The following UBE2D3 variants were observed in gnomAD, a reference collection of about 807,000 sequenced individuals.
UBE2D3 encodes the protein ubiquitin conjugating enzyme E2 D3, also known as ubiquitin-conjugating enzyme E2 D3.
Under a neutral mutation model 22.8 loss-of-function variants are expected in UBE2D3, and 2 were observed. That is an observed-to-expected ratio of 0.09 (90% CI 0.04 to 0.28). The LOEUF (loss-of-function observed/expected upper bound fraction) is 0.28, where lower values mean the gene tolerates loss of function less well. UBE2D3 is among the 10% of genes least tolerant of loss of function. The probability of loss-of-function intolerance (pLI) is 1.00; values close to 1 mark genes in which losing one functional copy is unlikely to be tolerated. For missense variants in UBE2D3, 27 were observed against 182.5 expected, an observed-to-expected ratio of 0.15 and a Z score of 4.91; for synonymous variants, 56 against 60.4, an observed-to-expected ratio of 0.93 and a Z score of 0.34.
chr4:102,855,930 G>A (rs1732597561), intron 1 of UBE2D3, among the ~76,000 whole-genome samples: 1 of 152,186 alleles, frequency 6.6e-6, no homozygotes, highest in Non-Finnish European at 1.5e-5. Flanking sequence ...ACTGATGAAA[G>A]GGTTGCCATT....
At chr4:102,861,272 T>C (rs563269503) in intron 1 of UBE2D3, among the ~76,000 whole-genome samples, 2 of 151,916 alleles carry the variant, frequency 1.3e-5, no homozygotes, top group Admixed American at 6.6e-5. Flanking sequence ...TTTTTCATTC[T>C]ACTGGGGTGC....
In UBE2D3 at chr4:102,809,862, C is replaced by T; in HGVS notation, c.25-7G>A. 6.2e-7 allele frequency: 1 copy of T among 1,612,774 alleles called. No homozygotes were observed. The highest frequency in any genetic ancestry group is 8.5e-7 in the Non-Finnish European group (1 of 1,179,876). On this transcript the variant is annotated splice_region_variant and splice_polypyrimidine_tract_variant and intron_variant, in intron 2 of 7. Transcript: ENST00000453744. Reference sequence around the variant, plus strand: ...GGGCCAAATCACTAAGTTCCTACACCAAGACAGAAAATGGGTGAGTCACAT... The same window carrying T: ...GGGCCAAATCACTAAGTTCCTACACTAAGACAGAAAATGGGTGAGTCACAT...
chr4:102,848,874 T>C (rs17839001), intron 1 of UBE2D3, among the ~76,000 whole-genome samples: 1,785 of 151,952 alleles, frequency 0.012, 21 homozygotes, highest in African/African-American at 0.036. Flanking sequence ...CTGTAGTCTC[T>C]TTCCTTATAG....
chr4:102,801,417 G>A (rs1198210716), intron 6 of UBE2D3, 37 bp downstream of exon 6: 1 of 1,536,320 alleles, frequency 6.5e-7, no homozygotes, highest in East Asian at 2.3e-5. Context: ...AGCTTTATTA[G>A]ACAATGAGAA....
intron 1 of UBE2D3, among the ~76,000 whole-genome samples, chr4:102,834,762 G>A (rs1731299232): frequency 6.6e-6 from 1 of 150,462 alleles, no homozygotes; most frequent in African/African-American, 2.4e-5. Flanking sequence ...AAAAAAAAAA[G>A]ATTCAACTTT....
chr4:102,839,273 TCTTA>T (rs1158731706), intron 1 of UBE2D3, among the ~76,000 whole-genome samples: 1 of 152,130 alleles, frequency 6.6e-6, no homozygotes, highest in Admixed American at 6.5e-5. Flanking sequence ...TCTTCTTCTT[TCTTA>T]CTTTTTTGAG....
chr4:102,810,236 T>A, intron 2 of UBE2D3: 1 of 166,546 alleles, frequency 6.0e-6, no homozygotes, highest in Admixed American at 6.1e-5. Flanking sequence ...CTGTCTTAAA[T>A]TCTTTGTTCT....
In UBE2D3 at chr4:102,811,376, A is replaced by C. The variant is rs1019672387; in HGVS notation, c.25-1521T>G. On this transcript the variant is annotated intron_variant, in intron 2 of 7. Transcript: ENST00000453744. ...AAACACAAAATCCTGTCTCAGAAACAAAAAAACAAGACCAAAAAAGCTAGA... is the reference window on the plus strand; with the variant it reads ...AAACACAAAATCCTGTCTCAGAAACCAAAAAACAAGACCAAAAAAGCTAGA... 3 of 153,750 alleles carry C rather than the reference A, an allele frequency of 2.0e-5. 1 individual carries two copies. The highest frequency in any genetic ancestry group is 1.3e-4 in the Admixed American group (2 of 15,278). The allele number at this position is 153,750 out of a possible 1,614,324, so 9.5% of individuals were successfully genotyped here.
At chr4:102,848,732 T>C (rs924710487) in intron 1 of UBE2D3, among the ~76,000 whole-genome samples, 1 of 152,038 alleles carries the variant, frequency 6.6e-6, no homozygotes, top group African/African-American at 2.4e-5. Flanking sequence ...GGCAGGAGGA[T>C]TGTTTGAGCC....
chr4:102,823,442 G>A (rs1243991932), intron 2 of UBE2D3, among the ~76,000 whole-genome samples: 4 of 152,178 alleles, frequency 2.6e-5, no homozygotes, highest in Non-Finnish European at 5.9e-5. Context: ...TTCCCTGCTA[G>A]CCGCTTGCTT....
intron 1 of UBE2D3, among the ~76,000 whole-genome samples, chr4:102,866,911 A>G (rs1195998060): frequency 6.6e-6 from 1 of 152,312 alleles, no homozygotes; most frequent in East Asian, 1.9e-4. Context: ...ATTAAAGATA[A>G]CAGTTAACAG....
chr4:102,826,110 C>T (rs890600073), intron 2 of UBE2D3, among the ~76,000 whole-genome samples: 1 of 152,112 alleles, frequency 6.6e-6, no homozygotes, highest in African/African-American at 2.4e-5. Context: ...ACTAAGTTTT[C>T]AAGCACCAAG....
chr4:102,847,076 G>A (rs1732074184), intron 1 of UBE2D3, among the ~76,000 whole-genome samples: 2 of 152,132 alleles, frequency 1.3e-5, no homozygotes, highest in African/African-American at 4.8e-5. Context: ...GATGTTCAGA[G>A]TTTTCAGCTT....
intron 1 of UBE2D3, among the ~76,000 whole-genome samples, chr4:102,860,813 T>C: frequency 6.6e-6 from 1 of 151,860 alleles, no homozygotes; most frequent in Non-Finnish European, 1.5e-5. Flanking sequence ...CAGGGGAGGT[T>C]GGGCTGCTGG....
chr4:102,802,650 A>G lies in UBE2D3; in HGVS notation c.121-12T>C, dbSNP rs1726352502. The G allele has an allele frequency of 1.3e-6, 2 of 1,577,262 alleles. No individual in the cohort carries two copies. The highest frequency in any genetic ancestry group is 1.7e-6 in the Non-Finnish European group (2 of 1,161,306). ...TATGGGCTGTCATTCTGTAAAAAGA[A>G]AAGTATGCTTAACTCAAATTTAAAA... On this transcript the variant is annotated splice_polypyrimidine_tract_variant and intron_variant, in intron 4 of 7. Transcript: ENST00000453744.
intron 2 of UBE2D3, among the ~76,000 whole-genome samples, chr4:102,821,607 ATT>A (rs35400781): frequency 0.55 from 82,364 of 150,744 alleles, 22,949 homozygotes; most frequent in African/African-American, 0.68. Context: ...ATGCAGCTGT[ATT>A]TTTTTTTTTA....
intron 2 of UBE2D3, among the ~76,000 whole-genome samples, chr4:102,821,434 C>T (rs1729594412): frequency 6.6e-6 from 1 of 152,098 alleles, no homozygotes; most frequent in African/African-American, 2.4e-5. Flanking sequence ...GGACCATCTT[C>T]CTCATTTATT....
At chr4:102,810,895 T>C (rs541280004) in intron 2 of UBE2D3, 5 of 152,294 alleles carry the variant, frequency 3.3e-5, no homozygotes, top group Non-Finnish European at 7.4e-5. Context: ...TGTTAATACA[T>C]TACTGCCTTC....
chr4:102,830,443 AAATTT>A (rs1731059203), upstream of UBE2D3, among the ~76,000 whole-genome samples: 1 of 152,262 alleles, frequency 6.6e-6, no homozygotes. Context: ...AAAATGTTGA[AAATTT>A]AATTAACTAA....
Sources: gnomAD v4.1 joint callset for allele counts (sites outside exome capture counted in the v4.1 genomes callset) on GRCh38, gnomAD v4.1.1 for gene constraint, MANE v1.5 for transcripts, NCBI Gene and HGNC (gene_info 2026-07-23, HGNC 2026-07-21) for gene names.